Variants in SHROOM2 observed in about 807,000 individuals in gnomAD.
SHROOM2 encodes the protein shroom family member 2, also known as protein Shroom2.
SHROOM2 carries 33 observed loss-of-function variants against 75.9 expected under a neutral mutation model. The observed-to-expected ratio is 0.43, with a 90% CI of 0.33 to 0.58. The LOEUF is 0.58. Ranked by LOEUF, SHROOM2 falls within the 20% of genes least tolerant of loss-of-function variation. The pLI is 0.04. For missense variants in SHROOM2, 1,434 were observed against 1,461.2 expected, an observed-to-expected ratio of 0.98 and a Z score of 0.30; for synonymous variants, 655 against 663.6, an observed-to-expected ratio of 0.99 and a Z score of 0.20.
In SHROOM2 at chrX:9,894,342, C is replaced by T; in HGVS notation, c.450-16C>T. ...CTAAAGCACACCATGCCTTGTCCTT[C>T]TTCTCATTCTTGCAGTTCTTCCTCC... On this transcript the variant is annotated splice_polypyrimidine_tract_variant and intron_variant, in intron 3 of 9. Coordinates refer to ENST00000380913, the MANE Select transcript of SHROOM2 (RefSeq NM_001649.4). The T allele has an allele frequency of 8.4e-7, 1 of 1,196,013 alleles. No homozygotes were observed. The highest frequency in any genetic ancestry group is 1.1e-6 in the Non-Finnish European group (1 of 886,180).
intron 2 of SHROOM2, among the ~76,000 whole-genome samples, chrX:9,875,111 G>T (rs867356804): frequency 2.2e-4 from 7 of 31,508 alleles, no homozygotes; most frequent in African/African-American, 3.6e-4. Flanking sequence ...AAAAAAAAAA[G>T]GGGAGGAAGG....
chrX:9,918,928 A>G (rs187411359), intron 5 of SHROOM2, among the ~76,000 whole-genome samples: 172 of 112,152 alleles, frequency 1.5e-3, no homozygotes, highest in Non-Finnish European at 2.5e-3. Flanking sequence ...GGCAGGGCAC[A>G]GGCATTTAGA....
intron 1 of SHROOM2, among the ~76,000 whole-genome samples, chrX:9,789,129 TCAAA>T (rs1443228119): frequency 8.9e-6 from 1 of 111,734 alleles, no homozygotes; most frequent in Non-Finnish European, 1.9e-5. Context: ...ATAGTCAAAC[TCAAA>T]CAAATACTTG....
intron 1 of SHROOM2, among the ~76,000 whole-genome samples, chrX:9,837,014 C>T (rs778669845): frequency 1.8e-5 from 2 of 112,337 alleles, no homozygotes; most frequent in Non-Finnish European, 3.8e-5. Flanking sequence ...ATCATATTTT[C>T]GGGATTGATC....
chrX:9,802,007 T>A (rs1295054515), intron 1 of SHROOM2, among the ~76,000 whole-genome samples: 1 of 111,591 alleles, frequency 9.0e-6, no homozygotes, highest in Non-Finnish European at 1.9e-5. Context: ...GACATATTCC[T>A]TTTTACTCTT....
chrX:9,849,272 C>T (rs1429559455), intron 1 of SHROOM2, among the ~76,000 whole-genome samples: 2 of 111,814 alleles, frequency 1.8e-5, no homozygotes, highest in Non-Finnish European at 3.8e-5. Flanking sequence ...AGGAGCAGTC[C>T]ATGTGGGAGC....
In SHROOM2 at chrX:9,794,612, G is replaced by A. The variant is rs775788713; in HGVS notation, c.165+7902G>A. Among the ~76,000 whole-genome samples, 34 of 111,253 alleles carry A rather than the reference G, an allele frequency of 3.1e-4. No individual in the cohort carries two copies. The East Asian group carries it at 6.2e-3, about 20-fold the overall frequency. ...TCAAAATCCCAACCTTGGGTGATCC[G>A]CCCACCTCAGCCTCCCAAAGTGCTG... On this transcript the variant is annotated intron_variant, in intron 1 of 9. Coordinates refer to ENST00000380913, the MANE Select transcript of SHROOM2 (RefSeq NM_001649.4).
At chrX:9,915,559 A>T (rs1429950936) in intron 5 of SHROOM2, among the ~76,000 whole-genome samples, 1 of 111,856 alleles carries the variant, frequency 8.9e-6, no homozygotes, top group Admixed American at 9.6e-5. Context: ...GAAATTTGTT[A>T]TAAAATTATT....
At chrX:9,914,953 A>G (rs1386681640) in intron 5 of SHROOM2, among the ~76,000 whole-genome samples, 2 of 111,433 alleles carry the variant, frequency 1.8e-5, no homozygotes, top group African/African-American at 3.3e-5. Flanking sequence ...CTGCCAGTGC[A>G]GTGAGAAGGA....
intron 5 of SHROOM2, among the ~76,000 whole-genome samples, chrX:9,931,653 G>A (rs1362456878): frequency 9.0e-6 from 1 of 110,973 alleles, no homozygotes; most frequent in Non-Finnish European, 1.9e-5. Flanking sequence ...CTTTAAAAGA[G>A]CCTTTGTTGG....
intron 1 of SHROOM2, among the ~76,000 whole-genome samples, chrX:9,823,206 T>TTCCTCCTCCTCCTCC (rs200757192): frequency 1.3e-5 from 1 of 76,230 alleles, no homozygotes; most frequent in African/African-American, 5.5e-5. Flanking sequence ...CCTTCTCCTC[T>TTCCTCCTCCTCCTCC]TCCTCCTCCT....
Position 9,895,697 on chromosome X carries a change from C to T in SHROOM2, c.1789C>T (p.Arg597Trp), listed in dbSNP as rs374862299. The T allele has an allele frequency of 4.3e-5, 51 of 1,184,077 alleles. No individual in the cohort carries two copies. The African/African-American group carries it at 6.1e-4, about 14-fold the overall frequency. Residue 597 changes from arginine to tryptophan, a missense_variant, in exon 4 of 10, where the codon CGG becomes TGG. By Grantham distance (101) the Arg-to-Trp change is moderately radical. Around this residue, in one of 3 missense-constraint regions of SHROOM2, gnomAD observed 1,340 missense variants for 1,338.3 expected, o/e 1.00. Coordinates refer to ENST00000380913, the MANE Select transcript of SHROOM2 (RefSeq NM_001649.4). Reference protein sequence around the residue: ...LHSLTQEGKRRPESSPEDSAT... With the variant: ...LHSLTQEGKRWPESSPEDSAT... ...CTCCCTGACCCAGGAGGGGAAGCGC[C>T]GGCCTGAGAGCAGTCCAGAGGACAG...
At chrX:9,798,003 C>T (rs189244279) in intron 1 of SHROOM2, among the ~76,000 whole-genome samples, 1 of 111,807 alleles carries the variant, frequency 8.9e-6, no homozygotes, top group East Asian at 2.8e-4. Flanking sequence ...TTTTTTCCCC[C>T]TGGTAGTAGC....
At chrX:9,811,757 T>C (rs1455134383) in intron 1 of SHROOM2, among the ~76,000 whole-genome samples, 2 of 111,717 alleles carry the variant, frequency 1.8e-5, no homozygotes, top group African/African-American at 6.5e-5. Context: ...TGTCTGCATA[T>C]CATGCAGAAC....
chrX:9,935,335 T>TTATTTA lies in SHROOM2; in HGVS notation c.3588-1798_3588-1797insATTTAT, dbSNP rs1160776258. Among the ~76,000 whole-genome samples, 334 of 98,619 alleles carry TTATTTA rather than the reference T, an allele frequency of 3.4e-3. 1 individual carries two copies. The highest frequency in any genetic ancestry group is 0.013 in the African/African-American group (314 of 25,103). 85.6% of individuals were successfully genotyped at this position (98,619 alleles called of 115,157 possible). A position where few individuals can be genotyped will look rare whatever the true frequency, so the allele number is the denominator to read the frequency against. Reference sequence around the variant, plus strand: ...TTTATTATTATTATTATTATTATTATTTATTATTATTATGTTTTTAACAGA... The same window carrying TTATTTA: ...TTTATTATTATTATTATTATTATTATTATTTATTATTATTATTATGTTTTTAACAGA... On this transcript the variant is annotated intron_variant, in intron 6 of 9. Coordinates refer to ENST00000380913, the MANE Select transcript of SHROOM2 (RefSeq NM_001649.4).
intron 2 of SHROOM2, among the ~76,000 whole-genome samples, chrX:9,878,844 C>T (rs1381731890): frequency 1.8e-5 from 2 of 109,931 alleles, no homozygotes; most frequent in Admixed American, 9.7e-5. Flanking sequence ...CAGGTGAAAC[C>T]CATGCCTTCG....
intron 2 of SHROOM2, among the ~76,000 whole-genome samples, chrX:9,884,173 A>G (rs956701265): frequency 9.0e-6 from 1 of 110,533 alleles, no homozygotes; most frequent in African/African-American, 3.3e-5. Flanking sequence ...CCTGTGTTTC[A>G]GACCGTAGGC....
In SHROOM2 at chrX:9,937,667, C is replaced by T; in HGVS notation, c.4121C>T (p.Pro1374Leu). The T allele has an allele frequency of 5.0e-6, 6 of 1,194,091 alleles. No individual in the cohort carries two copies. Among genetic ancestry groups the T allele is most frequent in the Non-Finnish European group, 6.8e-6 (6 of 886,394 alleles). ...AAGCTGCTCCCCAAAATCCCCTCTC[C>T]TAGAAGCACAGAGGAGAGGTGAGTA... ...RRKLLPKIPS[P>L]RSTEERKEEP... The change falls in exon 7 of 10, where the codon CCT becomes CTT. Residue 1374 changes from proline (P) to leucine (L), a missense_variant. Pro to Leu is a moderately conservative substitution (Grantham distance 98, BLOSUM62 -3). This residue lies in a region of SHROOM2 where 1,340 missense variants were observed against 1,338.3 expected (regional missense o/e 1.00). Coordinates refer to ENST00000380913, the MANE Select transcript of SHROOM2 (RefSeq NM_001649.4).
At chrX:9,916,477 T>C (rs1478243683) in intron 5 of SHROOM2, among the ~76,000 whole-genome samples, 3 of 111,962 alleles carry the variant, frequency 2.7e-5, no homozygotes, top group Non-Finnish European at 5.6e-5. Flanking sequence ...CGGATAAAAT[T>C]CTGGGCATGG....
Sources: allele counts gnomAD v4.1 joint callset (sites outside exome capture counted in the v4.1 genomes callset), GRCh38; gene constraint gnomAD v4.1.1; regional missense constraint gnomAD v4.1.1; transcripts MANE v1.5; gene names NCBI Gene and HGNC (gene_info 2026-07-23, HGNC 2026-07-21).